Variants in SHPRH observed in about 807,000 individuals in gnomAD.
SHPRH encodes SNF2 histone linker PHD RING helicase.
SHPRH carries 106 observed loss-of-function variants against 202.5 expected under a neutral mutation model. That is an observed-to-expected ratio of 0.52 (90% CI 0.45 to 0.62). The LOEUF is 0.62. Ranked by LOEUF, SHPRH falls within the 20% of genes least tolerant of loss-of-function variation. The probability of loss-of-function intolerance (pLI) is 0.00; values close to 1 mark genes in which losing one functional copy is unlikely to be tolerated. For synonymous variants in SHPRH, 729 were observed against 686.0 expected, an observed-to-expected ratio of 1.06 and a Z score of -0.98; for missense variants, 1,710 against 2,020.0, an observed-to-expected ratio of 0.85 and a Z score of 2.94.
At chr6:145,956,621 C>T (rs1248025006) in intron 1 of SHPRH, among the ~76,000 whole-genome samples, 1 of 151,834 alleles carries the variant, frequency 6.6e-6, no homozygotes, top group African/African-American at 2.4e-5. Flanking sequence ...AAATAAAAAG[C>T]AAAAACAAAA....
intron 1 of SHPRH, among the ~76,000 whole-genome samples, chr6:145,956,966 A>G (rs1042069940): frequency 6.6e-6 from 1 of 152,138 alleles, no homozygotes; most frequent in African/African-American, 2.4e-5. Flanking sequence ...AAGAAAAATA[A>G]AGTTGAATGA....
chr6:145,921,338 C>T lies in SHPRH; in HGVS notation c.3837G>A (p.Leu1279=). 1 of 1,612,794 alleles carries T rather than the reference C, an allele frequency of 6.2e-7. No homozygotes were observed. Among genetic ancestry groups the T allele is most frequent in the Non-Finnish European group, 8.5e-7 (1 of 1,179,262 alleles). ...FEEMIEDEEG[L]VDDRAPTTTR... ...TGGTGGTAGGTGCTCGATCATCCAC[C>T]AGTCCTTCTTCATCTTCTATCATCT... Residue 1279 remains leucine, a synonymous_variant, in exon 21 of 30, where the codon CTG becomes CTA. Coordinates refer to ENST00000275233, the MANE Select transcript of SHPRH (RefSeq NM_001042683.3).
intron 1 of SHPRH, among the ~76,000 whole-genome samples, chr6:145,959,445 C>A (rs1027544951): frequency 6.6e-6 from 1 of 152,196 alleles, no homozygotes; most frequent in African/African-American, 2.4e-5. Context: ...CTAGGAGCAG[C>A]AGGCTGTACC....
chr6:145,912,538 CT>C (rs1382777198), intron 24 of SHPRH, among the ~76,000 whole-genome samples: 2 of 152,058 alleles, frequency 1.3e-5, no homozygotes, highest in East Asian at 3.9e-4. Flanking sequence ...TTTATCACAA[CT>C]TTTATCAGTT....
At position 145,875,409 on chromosome 6, in the gene SHPRH, C is replaced by T. The variant is rs1970304; in HGVS notation, c.222-10918G>A. 4.2e-3 allele frequency among the ~76,000 whole-genome samples: 634 copies of T among 152,322 alleles called. 17 individuals carry two copies. In the East Asian group the frequency reaches 0.071, roughly 17 times the overall value. ...TAGTGCTGAGGTTGAGAATTCTTGA[C>T]TTAGGCCATAGCCGTTCCACAGCTC... On this transcript the variant is annotated intron_variant, in intron 2 of 2. Coordinates refer to the SHPRH transcript ENST00000417762.
the SHPRH span, among the ~76,000 whole-genome samples, chr6:145,859,013 G>A: frequency 6.6e-6 from 1 of 151,886 alleles, no homozygotes; most frequent in African/African-American, 2.4e-5. Flanking sequence ...ATATTAAAAT[G>A]ATAGTTTGAT....
intron 1 of SHPRH, among the ~76,000 whole-genome samples, chr6:145,960,104 G>A (rs889368396): frequency 2.6e-5 from 4 of 152,176 alleles, no homozygotes; most frequent in Non-Finnish European, 5.9e-5. Context: ...TTAGCTGAAG[G>A]AGGCTAATCT....
At chr6:145,938,538 G>A (rs1320949220) in intron 11 of SHPRH, among the ~76,000 whole-genome samples, 3 of 151,976 alleles carry the variant, frequency 2.0e-5, no homozygotes, top group African/African-American at 4.8e-5. Context: ...CAATACTTTC[G>A]AAGACATTAA....
intron 14 of SHPRH, among the ~76,000 whole-genome samples, chr6:145,932,113 T>C (rs1785524038): frequency 6.6e-6 from 1 of 152,196 alleles, no homozygotes. Flanking sequence ...CATTGAAATT[T>C]TGATTTCCAG....
At chr6:145,945,970 T>C (rs1339436791) in intron 7 of SHPRH, among the ~76,000 whole-genome samples, 1 of 152,010 alleles carries the variant, frequency 6.6e-6, no homozygotes, top group Non-Finnish European at 1.5e-5. Flanking sequence ...TCCTAAAAGA[T>C]AAATAAAGCC....
At chr6:145,950,746 A>G (rs1391039845) in intron 3 of SHPRH, among the ~76,000 whole-genome samples, 2 of 152,024 alleles carry the variant, frequency 1.3e-5, no homozygotes, top group Non-Finnish European at 2.9e-5. Context: ...TGGATACAGT[A>G]TTATTACATT....
chr6:145,924,965 A>G (rs1188689197), intron 16 of SHPRH, 119 bp from the exon 17 acceptor site: 6 of 707,690 alleles, frequency 8.5e-6, no homozygotes, highest in Non-Finnish European at 1.3e-5. Flanking sequence ...ATTTAAACAT[A>G]AAAGTCCAAG....
At chr6:145,933,028 G>T (rs1785641675) in intron 14 of SHPRH, 29 bp downstream of exon 14, 1 of 1,598,946 alleles carries the variant, frequency 6.3e-7, no homozygotes, top group East Asian at 2.3e-5. Flanking sequence ...GTGTTTGAAA[G>T]AATCAGAGAT....
rs144364713 is a variant in SHPRH at position 145,891,902 on chromosome 6, A to T, written c.4874+1313T>A. On this transcript the variant is annotated intron_variant, in intron 28 of 29. Transcript: ENST00000275233. ...TTGGTAGGACAAAAAATCAATATTT[A>T]AAAACACAGAAGAAAACCAACAAAA... Among the ~76,000 whole-genome samples, 3 of 152,334 alleles carry T rather than the reference A, an allele frequency of 2.0e-5. No homozygotes were observed. In the East Asian group the frequency reaches 5.8e-4, roughly 29 times the overall value.
chr6:145,929,177 C>T (rs1045293529), intron 14 of SHPRH, among the ~76,000 whole-genome samples: 1 of 151,722 alleles, frequency 6.6e-6, no homozygotes, highest in East Asian at 1.9e-4. Flanking sequence ...TAAAAAAAAA[C>T]CCATATTCAA....
Position 145,924,725 on chromosome 6 carries a change from G to A in SHPRH, c.3402+14C>T, listed in dbSNP as rs1784715736. The A allele has an allele frequency of 6.2e-7, 1 of 1,607,380 alleles. No individual in the cohort carries two copies. The highest frequency in any genetic ancestry group is 1.7e-5 in the Admixed American group (1 of 59,554). ...GAGGCAAATACAAGTAAGAAACACT[G>A]CATTTTGGCATACCTTTCTTTGAAG... On this transcript the variant is annotated intron_variant, in intron 17 of 29. Transcript: ENST00000275233.
intron 25 of SHPRH, among the ~76,000 whole-genome samples, chr6:145,898,294 C>G (rs1464203672): frequency 6.6e-6 from 1 of 151,760 alleles, no homozygotes; most frequent in Non-Finnish European, 1.5e-5. Flanking sequence ...AGGTGAGAGA[C>G]CTGTACACTG....
chr6:145,878,291 A>G (rs1255935569), intron 2 of SHPRH, among the ~76,000 whole-genome samples: 1 of 152,110 alleles, frequency 6.6e-6, no homozygotes, highest in Non-Finnish European at 1.5e-5. Context: ...ATTTGTTTCA[A>G]ATTATGACAC....
At chr6:145,954,660 T>C (rs1788318605) in intron 2 of SHPRH, 30 bp downstream of exon 2, 7 of 1,535,480 alleles carry the variant, frequency 4.6e-6, no homozygotes, top group Non-Finnish European at 6.1e-6. Flanking sequence ...TAGAAGAGCC[T>C]CAAAAAAGAC....
Sources: gnomAD v4.1 joint callset for allele counts (sites outside exome capture counted in the v4.1 genomes callset) on GRCh38, gnomAD v4.1.1 for gene constraint, MANE v1.5 for transcripts, NCBI Gene and HGNC (gene_info 2026-07-23, HGNC 2026-07-21) for gene names.